The following SETBP1 variants were observed in gnomAD, a reference collection of about 807,000 sequenced individuals.
The protein encoded by SETBP1 is SET binding protein 1, also known as SET-binding protein.
Under a neutral mutation model 101.0 loss-of-function variants are expected in SETBP1, and 9 were observed. That is an observed-to-expected ratio of 0.09 (90% CI 0.05 to 0.16). SETBP1 has a LOEUF of 0.16. SETBP1 is among the 10% of genes least tolerant of loss of function. The pLI, the probability that SETBP1 is intolerant of heterozygous loss-of-function variation, is 1.00. For missense variants in SETBP1, 1,858 were observed against 2,033.8 expected, an observed-to-expected ratio of 0.91 and a Z score of 1.66; for synonymous variants, 818 against 788.5, an observed-to-expected ratio of 1.04 and a Z score of -0.63.
chr18:45,017,136 G>A (rs541071287), intron 4 of SETBP1, among the ~76,000 whole-genome samples: 1 of 152,212 alleles, frequency 6.6e-6, no homozygotes, highest in Admixed American at 6.5e-5. Context: ...AAAGGACTCT[G>A]AATTGATTTT....
At chr18:44,932,304 A>G (rs1197216659) in intron 3 of SETBP1, among the ~76,000 whole-genome samples, 1 of 152,118 alleles carries the variant, frequency 6.6e-6, no homozygotes, top group Admixed American at 6.5e-5. Flanking sequence ...CTGCTGAGAG[A>G]TCCGCTGTTA....
At chr18:44,894,326 C>T (rs1445291910) in intron 3 of SETBP1, among the ~76,000 whole-genome samples, 1 of 152,120 alleles carries the variant, frequency 6.6e-6, no homozygotes, top group African/African-American at 2.4e-5. Context: ...TTTATATGCT[C>T]CTCCCAAAGG....
At chr18:45,024,417 G>A (rs572008858) in intron 4 of SETBP1, among the ~76,000 whole-genome samples, 3 of 152,072 alleles carry the variant, frequency 2.0e-5, no homozygotes, top group Non-Finnish European at 2.9e-5. Context: ...TGCCTCCATA[G>A]CAGTCTGTGA....
chr18:45,038,889 C>G (rs775590981), intron 5 of SETBP1, among the ~76,000 whole-genome samples: 4 of 152,180 alleles, frequency 2.6e-5, no homozygotes, highest in Non-Finnish European at 5.9e-5. Context: ...TCATTTTATT[C>G]TAATATGGGT....
chr18:44,903,049 C>T (rs938696846), intron 3 of SETBP1, among the ~76,000 whole-genome samples: 11 of 152,098 alleles, frequency 7.2e-5, no homozygotes, highest in African/African-American at 2.7e-4. Context: ...TTTGAAAGGT[C>T]GATTGCAGGA....
intron 4 of SETBP1, among the ~76,000 whole-genome samples, chr18:44,996,952 G>A (rs1337540728): frequency 1.3e-5 from 2 of 152,184 alleles, no homozygotes; most frequent in African/African-American, 4.8e-5. Flanking sequence ...CTCAGCTGAC[G>A]GGAGTATCCC....
chr18:44,730,473 A>G (rs1203808221), intron 2 of SETBP1, among the ~76,000 whole-genome samples: 1 of 152,224 alleles, frequency 6.6e-6, no homozygotes, highest in Admixed American at 6.5e-5. Flanking sequence ...TCAGGGAAAG[A>G]AGGCAGTGAG....
chr18:44,876,663 C>T (rs1375796153), intron 3 of SETBP1: 62 of 1,551,080 alleles, frequency 4.0e-5, no homozygotes, highest in Non-Finnish European at 5.1e-5. Flanking sequence ...CCATGTGCTT[C>T]TCATGCCCCC....
At chr18:45,061,449 G>A (rs2073889449) in intron 5 of SETBP1, among the ~76,000 whole-genome samples, 2 of 152,124 alleles carry the variant, frequency 1.3e-5, no homozygotes, top group Non-Finnish European at 2.9e-5. Context: ...GTAGTCAGAA[G>A]CTCACTCTGG....
intron 1 of SETBP1, among the ~76,000 whole-genome samples, chr18:44,686,817 G>C (rs1403143883): frequency 1.3e-5 from 2 of 152,128 alleles, no homozygotes; most frequent in African/African-American, 4.8e-5. Flanking sequence ...TCACCCAAAA[G>C]TTTCTCCCTT....
intron 4 of SETBP1, among the ~76,000 whole-genome samples, chr18:45,031,547 T>C (rs1387700240): frequency 2.6e-5 from 4 of 152,202 alleles, no homozygotes; most frequent in Non-Finnish European, 5.9e-5. Flanking sequence ...TTTTATAGCA[T>C]GTATACTATA....
At chr18:44,708,642 T>TG (rs1204420027) in intron 2 of SETBP1, among the ~76,000 whole-genome samples, 1 of 152,098 alleles carries the variant, frequency 6.6e-6, no homozygotes, top group Non-Finnish European at 1.5e-5. Context: ...GCCTTGGAGA[T>TG]GGGGAGCCCT....
At chr18:44,683,467 T>G (rs2068791431) in intron 1 of SETBP1, among the ~76,000 whole-genome samples, 1 of 152,232 alleles carries the variant, frequency 6.6e-6, no homozygotes, top group African/African-American at 2.4e-5. Context: ...AGGTAGGTAC[T>G]TTCCCCTGGA....
At position 45,067,158 on chromosome 18, in the gene SETBP1, G is replaced by A. The variant is rs550825614; in HGVS notation, c.*3460G>A. 1 of 152,176 alleles carries A rather than the reference G, an allele frequency of 6.6e-6. No homozygotes were observed. Among genetic ancestry groups the A allele is most frequent in the Non-Finnish European group, 1.5e-5 (1 of 68,028 alleles). The allele number at this position is 152,176 out of a possible 1,614,324, so 9.4% of individuals were successfully genotyped here. On this transcript the variant is annotated 3_prime_UTR_variant, in exon 6 of 6. Coordinates refer to ENST00000649279, the MANE Select transcript of SETBP1 (RefSeq NM_015559.3). Reference sequence around the variant, plus strand: ...AGAATGTTAATTTGGCTGCTGTCCGGACTAGGAGGCCATGTTCAATGGCAG... The same window carrying A: ...AGAATGTTAATTTGGCTGCTGTCCGAACTAGGAGGCCATGTTCAATGGCAG...
chr18:44,841,666 A>T (rs1322644336), intron 2 of SETBP1, among the ~76,000 whole-genome samples: 1 of 152,202 alleles, frequency 6.6e-6, no homozygotes, highest in Non-Finnish European at 1.5e-5. Context: ...AATCCCCATG[A>T]AATATTTAAG....
intron 4 of SETBP1, among the ~76,000 whole-genome samples, chr18:44,962,458 T>C (rs923344551): frequency 6.6e-6 from 1 of 152,112 alleles, no homozygotes; most frequent in African/African-American, 2.4e-5. Context: ...GTTTTGAGCT[T>C]GGTGCTAGGT....
At chr18:44,696,978 C>G (rs973356159) in intron 1 of SETBP1, among the ~76,000 whole-genome samples, 1 of 152,206 alleles carries the variant, frequency 6.6e-6, no homozygotes, top group Non-Finnish European at 1.5e-5. Flanking sequence ...CCACTCCCAG[C>G]CCCCACTGCC....
At position 45,063,705 on chromosome 18, in the gene SETBP1, T is replaced by C. The variant is rs1272134823; in HGVS notation, c.*7T>C. On this transcript the variant is annotated 3_prime_UTR_variant, in exon 6 of 6. Coordinates refer to ENST00000649279, the MANE Select transcript of SETBP1 (RefSeq NM_015559.3). ...GAGCGAGGTCCTTCCCTAGGGCGGGTCTGGGCGTCTGCACCTGGGGCCTAG... is the reference window on the plus strand; with the variant it reads ...GAGCGAGGTCCTTCCCTAGGGCGGGCCTGGGCGTCTGCACCTGGGGCCTAG... 1.1e-5 allele frequency: 18 copies of C among 1,602,022 alleles called. No homozygotes were observed. The highest frequency in any genetic ancestry group is 1.5e-5 in the Non-Finnish European group (18 of 1,174,814).
chr18:45,046,731 A>G (rs1320572876), intron 5 of SETBP1, among the ~76,000 whole-genome samples: 1 of 152,202 alleles, frequency 6.6e-6, no homozygotes, highest in East Asian at 1.9e-4. Context: ...TAGGGCAGCA[A>G]CCATTTGCTA....
Sources: allele counts gnomAD v4.1 joint callset (sites outside exome capture counted in the v4.1 genomes callset), GRCh38; gene constraint gnomAD v4.1.1; transcripts MANE v1.5; gene names NCBI Gene and HGNC (gene_info 2026-07-23, HGNC 2026-07-21).